The following RASA1 variants were observed in gnomAD, a reference collection of about 807,000 sequenced individuals.
The protein encoded by RASA1 is ras GTPase-activating protein 1.
A neutral mutation model predicts 132.2 loss-of-function variants in RASA1; 25 were observed. That is an observed-to-expected ratio of 0.19 (90% CI 0.14 to 0.26). RASA1 has a LOEUF of 0.26. RASA1 is among the 10% of genes least tolerant of loss of function. The probability of loss-of-function intolerance (pLI) is 1.00; values close to 1 mark genes in which losing one functional copy is unlikely to be tolerated. For missense variants in RASA1, 964 were observed against 1,299.2 expected, an observed-to-expected ratio of 0.74 and a Z score of 3.97; for synonymous variants, 477 against 449.9, an observed-to-expected ratio of 1.06 and a Z score of -0.76.
At chr5:87,280,499 G>C (rs568466490) in intron 1 of RASA1, among the ~76,000 whole-genome samples, 1 of 151,548 alleles carries the variant, frequency 6.6e-6, no homozygotes, top group Non-Finnish European at 1.5e-5. Context: ...TTTTAGTAGA[G>C]ACAGGGTTTC....
At chr5:87,378,270 G>C in intron 17 of RASA1, 126 bp from the exon 18 acceptor site, 1 of 1,071,990 alleles carries the variant, frequency 9.3e-7, no homozygotes. Context: ...TACTTTCAAC[G>C]CTGCACGCAA....
intron 1 of RASA1, among the ~76,000 whole-genome samples, chr5:87,303,378 TA>T (rs1755465257): frequency 6.6e-6 from 1 of 152,102 alleles, no homozygotes; most frequent in Non-Finnish European, 1.5e-5. Flanking sequence ...TTTTCAGGTT[TA>T]ACTTTTTGTC....
chr5:87,346,591 C>T (rs772563173), intron 6 of RASA1, 81 bp from the exon 7 acceptor site: 1 of 806,566 alleles, frequency 1.2e-6, no homozygotes, highest in Non-Finnish European at 2.0e-6. Flanking sequence ...ATTAAACTTA[C>T]TATATTGGTT....
At position 87,268,718 on chromosome 5, in the gene RASA1, AGGTACTGCTGCTGGCGTAGCT is replaced by A. The variant is rs770671027; in HGVS notation, c.271_291del (p.Thr91_Gly97del). The A allele has an allele frequency of 8.1e-6, 13 of 1,610,928 alleles. No homozygotes were observed. The highest frequency in any genetic ancestry group is 1.3e-5 in the African/African-American group (1 of 74,680). On this transcript the variant is annotated inframe_deletion, in exon 1 of 25. Coordinates refer to ENST00000274376, the MANE Select transcript of RASA1 (RefSeq NM_002890.3). Reference sequence around the variant, plus strand: ...TGGGGGGAGCTGGACTGACAGGGGGAGGTACTGCTGCTGGCGTAGCTGGTGCTGCTGCTGGCGTGGCCGGTG... The same window carrying A: ...TGGGGGGAGCTGGACTGACAGGGGGAGGTGCTGCTGCTGGCGTGGCCGGTG...
At chr5:87,376,186 C>T in intron 15 of RASA1, 1 of 619,194 alleles carries the variant, frequency 1.6e-6, no homozygotes, top group Non-Finnish European at 2.8e-6. Flanking sequence ...TCTCAATCAT[C>T]TCTGTACTCT....
chr5:87,301,245 C>G (rs1225504120), intron 1 of RASA1, among the ~76,000 whole-genome samples: 1 of 152,092 alleles, frequency 6.6e-6, no homozygotes, highest in Non-Finnish European at 1.5e-5. Context: ...TATATATGCA[C>G]ATACTAATTT....
chr5:87,268,263 G>C lies in RASA1; in HGVS notation c.-189G>C. 1 of 846,760 alleles carries C rather than the reference G, an allele frequency of 1.2e-6. No homozygotes were observed. Among genetic ancestry groups the C allele is most frequent in the Non-Finnish European group, 1.7e-6 (1 of 571,652 alleles). 52.5% of individuals were successfully genotyped at this position (846,760 alleles called of 1,614,324 possible). On this transcript the variant is annotated 5_prime_UTR_variant, in exon 1 of 25. Coordinates refer to ENST00000274376, the MANE Select transcript of RASA1 (RefSeq NM_002890.3). ...GCCCACTTGGCTTCCCGTAACCCAG[G>C]CAGCTGGGGAGCCTGGGCTGTGGCC...
Position 87,386,915 on chromosome 5 carries a change from G to A in RASA1, c.2925+12G>A. The A allele has an allele frequency of 6.2e-7, 1 of 1,602,814 alleles. No individual in the cohort carries two copies. The highest frequency in any genetic ancestry group is 8.5e-7 in the Non-Finnish European group (1 of 1,171,332). ...TAGATGAACTTGGGGTATGTATATA[G>A]TTTTCAGGTACTTTTTTTAAGACTT... On this transcript the variant is annotated intron_variant, in intron 23 of 24. Coordinates refer to ENST00000274376, the MANE Select transcript of RASA1 (RefSeq NM_002890.3).
At chr5:87,350,567 G>A (rs7712333) in intron 8 of RASA1, among the ~76,000 whole-genome samples, 1 of 151,494 alleles carries the variant, frequency 6.6e-6, no homozygotes, top group East Asian at 1.9e-4. Flanking sequence ...ACACAAAACT[G>A]GAAATTCTTC....
At chr5:87,278,438 C>T (rs534308056) in intron 1 of RASA1, among the ~76,000 whole-genome samples, 126 of 150,980 alleles carry the variant, frequency 8.3e-4, no homozygotes, top group Non-Finnish European at 1.4e-3. Context: ...GCCTGCTACT[C>T]GGGAGGCTGA....
chr5:87,367,263 A>G (rs1029631160), intron 11 of RASA1, among the ~76,000 whole-genome samples: 1 of 152,224 alleles, frequency 6.6e-6, no homozygotes, highest in Admixed American at 6.5e-5. Flanking sequence ...GTATTACCAT[A>G]GGATGCAAAT....
intron 1 of RASA1, among the ~76,000 whole-genome samples, chr5:87,281,533 T>TTA (rs1308531473): frequency 5.8e-4 from 89 of 152,162 alleles, no homozygotes; most frequent in Non-Finnish European, 1.6e-4. Flanking sequence ...TATTGGCCAT[T>TTA]TATATATATA....
At chr5:87,378,563 T>C (rs775085441) in intron 18 of RASA1, 25 bp downstream of exon 18, 5 of 1,578,742 alleles carry the variant, frequency 3.2e-6, no homozygotes, top group Non-Finnish European at 4.4e-6. Context: ...TTTTAATAAG[T>C]ATTTTTGCAA....
chr5:87,385,963 TACTC>T (rs1056330367), intron 22 of RASA1, among the ~76,000 whole-genome samples: 2 of 152,054 alleles, frequency 1.3e-5, no homozygotes, highest in African/African-American at 4.8e-5. Context: ...CTTTCATACT[TACTC>T]AATTATTAGC....
intron 12 of RASA1, among the ~76,000 whole-genome samples, chr5:87,371,621 T>C (rs1035864079): frequency 1.3e-5 from 2 of 152,130 alleles, no homozygotes; most frequent in South Asian, 4.1e-4. Flanking sequence ...TATACATTTC[T>C]ACCTGTATCA....
At chr5:87,367,581 C>A (rs1399019861) in intron 11 of RASA1, among the ~76,000 whole-genome samples, 1 of 152,164 alleles carries the variant, frequency 6.6e-6, no homozygotes, top group Non-Finnish European at 1.5e-5. Context: ...CTAAGCACTC[C>A]ATTTCCTTGT....
At chr5:87,303,187 CCT>C (rs1755452800) in intron 1 of RASA1, among the ~76,000 whole-genome samples, 1 of 152,088 alleles carries the variant, frequency 6.6e-6, no homozygotes, top group African/African-American at 2.4e-5. Flanking sequence ...TTCAGTAGGA[CCT>C]GTCTCTTTTT....
intron 13 of RASA1, 54 bp downstream of exon 13, chr5:87,372,249 G>C: frequency 1.3e-6 from 2 of 1,508,838 alleles, no homozygotes; most frequent in Non-Finnish European, 1.8e-6. Context: ...CTAACACTTT[G>C]CTCTTTTTAT....
At chr5:87,285,682 A>G (rs1446944861) in intron 1 of RASA1, among the ~76,000 whole-genome samples, 7 of 139,370 alleles carry the variant, frequency 5.0e-5, no homozygotes, top group Non-Finnish European at 1.1e-4. Context: ...CAATGGCGTG[A>G]TCTTGGCTCA....
Sources: gnomAD v4.1 joint callset for allele counts (sites outside exome capture counted in the v4.1 genomes callset) on GRCh38, gnomAD v4.1.1 for gene constraint, MANE v1.5 for transcripts, NCBI Gene and HGNC (gene_info 2026-07-23, HGNC 2026-07-21) for gene names.